The following TBCK variants were observed in gnomAD, a reference collection of about 807,000 sequenced individuals.
TBCK encodes the protein TBC domain-containing protein kinase-like protein.
TBCK carries 99 observed loss-of-function variants against 113.4 expected under a neutral mutation model. The ratio of observed to expected loss-of-function variants is 0.87; its 90% CI spans 0.74 to 1.03. TBCK has a LOEUF of 1.03. Among genes scored for constraint, TBCK ranks in the 50% least tolerant of loss-of-function variants. The pLI is 0.00. For synonymous variants in TBCK, 369 were observed against 370.8 expected (o/e 1.00, Z 0.05); for missense variants, 1,045 against 1,061.3 (o/e 0.98, Z 0.21).
chr4:106,182,470 G>GT (rs1233388934), intron 22 of TBCK: 6 of 152,114 alleles, frequency 3.9e-5, no homozygotes, highest in African/African-American at 1.4e-4. Context: ...AATCCTTCCA[G>GT]TTTTTGCCCG....
chr4:106,094,823 A>G (rs1412452647), intron 25 of TBCK, among the ~76,000 whole-genome samples: 1 of 152,182 alleles, frequency 6.6e-6, no homozygotes, highest in Non-Finnish European at 1.5e-5. Flanking sequence ...CCTTTTAGAG[A>G]AAGATCCTGT....
intron 3 of TBCK, among the ~76,000 whole-genome samples, chr4:106,281,672 C>T (rs751077891): frequency 6.6e-6 from 1 of 152,056 alleles, no homozygotes; most frequent in Non-Finnish European, 1.5e-5. Context: ...TTGAAAGGAT[C>T]ATATGGTTTT....
At chr4:106,275,009 G>A (rs1026419801) in intron 3 of TBCK, among the ~76,000 whole-genome samples, 1 of 152,030 alleles carries the variant, frequency 6.6e-6, no homozygotes, top group African/African-American at 2.4e-5. Flanking sequence ...GTGTGTGCCT[G>A]TAGTCCCAGC....
At chr4:106,158,984 C>T (rs1460175506) in intron 23 of TBCK, among the ~76,000 whole-genome samples, 18 of 151,086 alleles carry the variant, frequency 1.2e-4, no homozygotes, top group African/African-American at 2.9e-4. Context: ...AAGGATGTTT[C>T]GCCACAGGAA....
rs112164356 is a variant in TBCK at position 106,109,018 on chromosome 4, T to TACACACACAC, written c.2411+7175_2411+7184dup. 3.4e-4 allele frequency among the ~76,000 whole-genome samples: 48 copies of TACACACACAC among 140,606 alleles called. 1 individual carries two copies. The highest frequency in any genetic ancestry group is 1.1e-3 in the African/African-American group (43 of 38,056). 92.2% of individuals were successfully genotyped at this position (140,606 alleles called of 152,430 possible). A position where few individuals can be genotyped will look rare whatever the true frequency, so the allele number is the denominator to read the frequency against. ...ATCCCATTCACAACTGACACACACA[T>TACACACACAC]ACACACACACACACACACACACACA... On this transcript the variant is annotated intron_variant, in intron 24 of 25. Coordinates refer to ENST00000394708, the MANE Select transcript of TBCK (RefSeq NM_001163435.3).
intron 25 of TBCK, among the ~76,000 whole-genome samples, chr4:106,051,537 T>C (rs1418925899): frequency 6.6e-6 from 1 of 151,886 alleles, no homozygotes; most frequent in Non-Finnish European, 1.5e-5. Context: ...GCTGTAGTAA[T>C]TTGTTTTTCT....
chr4:106,053,302 C>A (rs1003339052), intron 25 of TBCK, among the ~76,000 whole-genome samples: 2 of 151,668 alleles, frequency 1.3e-5, no homozygotes, highest in Admixed American at 1.3e-4. Context: ...ACCACTCCCC[C>A]AAAATACTCT....
rs1374375994 is a variant in TBCK at position 106,196,454 on chromosome 4, A to T, written c.1861-1700T>A. On this transcript the variant is annotated intron_variant, in intron 20 of 25. Coordinates refer to ENST00000394708, the MANE Select transcript of TBCK (RefSeq NM_001163435.3). ...AATAAATATTATTTCAGCACCTAGC[A>T]ATTATGAATTTATGAGTAAAAGGTG... Among the ~76,000 whole-genome samples, 7 of 151,984 alleles carry T rather than the reference A, an allele frequency of 4.6e-5. No individual in the cohort carries two copies. In the South Asian group the frequency reaches 1.4e-3, roughly 31 times the overall value.
chr4:106,056,322 A>G lies in TBCK; in HGVS notation c.2572-9642T>C, dbSNP rs1046791266. On this transcript the variant is annotated intron_variant, in intron 25 of 25. Coordinates refer to ENST00000394708, the MANE Select transcript of TBCK (RefSeq NM_001163435.3). ...GTCTCGCTTTGTTGCCCAGACTGGT[A>G]TCGAACTCCTGGGATCAAGTGATCC... Among the ~76,000 whole-genome samples, 12 of 143,946 alleles carry G rather than the reference A, an allele frequency of 8.3e-5. No homozygotes were observed. The East Asian group carries it at 1.0e-3, about 12-fold the overall frequency. 94.4% of individuals were successfully genotyped at this position (143,946 alleles called of 152,430 possible). A position where few individuals can be genotyped will look rare whatever the true frequency, so the allele number is the denominator to read the frequency against.
At chr4:106,219,893 C>T (rs1456007668) in intron 19 of TBCK, among the ~76,000 whole-genome samples, 1 of 152,104 alleles carries the variant, frequency 6.6e-6, no homozygotes, top group Non-Finnish European at 1.5e-5. Flanking sequence ...CAACTTTCTC[C>T]TACAGTAAAG....
At chr4:106,282,307 T>C (rs1224201922) in intron 3 of TBCK, among the ~76,000 whole-genome samples, 1 of 152,024 alleles carries the variant, frequency 6.6e-6, no homozygotes, top group Non-Finnish European at 1.5e-5. Context: ...TTTCTTAGTC[T>C]ATCTAAAGGT....
At chr4:106,062,051 G>A (rs557562319) in intron 25 of TBCK, among the ~76,000 whole-genome samples, 1 of 151,856 alleles carries the variant, frequency 6.6e-6, no homozygotes, top group South Asian at 2.1e-4. Context: ...TGAAATTCAT[G>A]ATGAACTCCA....
At chr4:106,191,079 T>C (rs903192394) in intron 22 of TBCK, among the ~76,000 whole-genome samples, 2 of 152,224 alleles carry the variant, frequency 1.3e-5, no homozygotes, top group Non-Finnish European at 2.9e-5. Context: ...TAAAAATGAA[T>C]GTCTGTGTCT....
At chr4:106,224,101 AAAGT>A (rs1315148840) in intron 19 of TBCK, among the ~76,000 whole-genome samples, 1 of 152,076 alleles carries the variant, frequency 6.6e-6, no homozygotes, top group Non-Finnish European at 1.5e-5. Flanking sequence ...TTTAAGTCAG[AAAGT>A]AATTAAATTT....
chr4:106,179,580 CTAATT>C (rs1174656617), intron 22 of TBCK, among the ~76,000 whole-genome samples: 1 of 151,980 alleles, frequency 6.6e-6, no homozygotes, highest in Non-Finnish European at 1.5e-5. Flanking sequence ...TTAATGATTT[CTAATT>C]TTATTCCATT....
chr4:106,170,253 C>A (rs1342097903), intron 23 of TBCK, among the ~76,000 whole-genome samples: 1 of 152,070 alleles, frequency 6.6e-6, no homozygotes, highest in African/African-American at 2.4e-5. Flanking sequence ...AACTATAATG[C>A]AAATATTTAT....
rs970132704 is a variant in TBCK at position 106,116,052 on chromosome 4, G to A, written c.2411+151C>T. On this transcript the variant is annotated intron_variant, in intron 24 of 25. Transcript: ENST00000394708. ...TGTTATCTTATAAAACCTTATGCAA[G>A]ACCATTCTGGCATCCAGTTTGAGAG... is the stretch of plus-strand genomic sequence containing the variant. The A allele has an allele frequency of 9.0e-6, 6 of 668,304 alleles. No individual in the cohort carries two copies. In the South Asian group the frequency reaches 9.2e-5, roughly 10 times the overall value. 41.4% of individuals were successfully genotyped at this position (668,304 alleles called of 1,614,324 possible).
chr4:106,073,565 C>T (rs1039214801), intron 25 of TBCK, among the ~76,000 whole-genome samples: 4 of 152,328 alleles, frequency 2.6e-5, no homozygotes, highest in African/African-American at 7.2e-5. Flanking sequence ...TTAGGCTGCA[C>T]GGGTGTCAGG....
At chr4:106,125,907 T>C (rs1333688475) in intron 23 of TBCK, among the ~76,000 whole-genome samples, 2 of 152,232 alleles carry the variant, frequency 1.3e-5, no homozygotes, top group Non-Finnish European at 2.9e-5. Flanking sequence ...TTTGAAATAT[T>C]TCCAACACAA....
Sources: allele counts gnomAD v4.1 joint callset (sites outside exome capture counted in the v4.1 genomes callset), GRCh38; gene constraint gnomAD v4.1.1; transcripts MANE v1.5; gene names NCBI Gene and HGNC (gene_info 2026-07-23, HGNC 2026-07-21).